Variants in FBXL14 observed in about 807,000 individuals in gnomAD.
FBXL14 encodes the protein F-box and leucine rich repeat protein 14, also known as F-box/LRR-repeat protein 14.
Under a neutral mutation model 24.5 loss-of-function variants are expected in FBXL14, and 11 were observed. The ratio of observed to expected loss-of-function variants is 0.45; its 90% confidence interval spans 0.28 to 0.74. The LOEUF (loss-of-function observed/expected upper bound fraction) is 0.74. Among genes scored for constraint, FBXL14 ranks in the 30% least tolerant of loss-of-function variants. FBXL14 has a pLI of 0.12. For missense variants in FBXL14, 384 were observed against 545.6 expected, an observed-to-expected ratio of 0.70 and a Z score of 2.95; for synonymous variants, 294 against 240.4, an observed-to-expected ratio of 1.22 and a Z score of -2.06.
intron 1 of FBXL14, among the ~76,000 whole-genome samples, chr12:1,584,145 GA>G (rs2154438140): frequency 6.6e-6 from 1 of 152,106 alleles, no homozygotes; most frequent in South Asian, 2.1e-4. Context: ...AGGAGTTGGA[GA>G]CCAGCCTAGG....
Position 1,586,959 on chromosome 12 carries a change from C to T in FBXL14, c.1194+5914G>A, listed in dbSNP as rs542454463. Among the ~76,000 whole-genome samples the T allele has an allele frequency of 9.9e-5, 15 of 152,250 alleles. No homozygotes were observed. In the East Asian group the frequency reaches 2.5e-3, roughly 25 times the overall value. On this transcript the variant is annotated intron_variant, in intron 1 of 1. Transcript: ENST00000339235. ...TTGTTCCTTAAACAACTAAAGTGGC[C>T]GGGCGCGGTGGCTCATGCCTGTAAT...
At chr12:1,591,603 T>C (rs1565591167) in intron 1 of FBXL14, among the ~76,000 whole-genome samples, 1 of 152,200 alleles carries the variant, frequency 6.6e-6, no homozygotes, top group Admixed American at 6.5e-5. Context: ...TCAGAAGTGA[T>C]TTCTTTAAAG....
rs539765501 is a variant in FBXL14 at position 1,570,879 on chromosome 12, A to C, written c.1195-4069T>G. Among the ~76,000 whole-genome samples, 5 of 152,020 alleles carry C rather than the reference A, an allele frequency of 3.3e-5. No homozygotes were observed. In the South Asian group the frequency reaches 1.0e-3, roughly 32 times the overall value. ...GTGGTGTGGTCATGATGGGAGGAGC[A>C]GTGATGGTGTAGACCAAGCTGCCTA... On this transcript the variant is annotated intron_variant, in intron 1 of 1. Coordinates refer to ENST00000339235, the MANE Select transcript of FBXL14 (RefSeq NM_152441.3).
chr12:1,567,879 ACGCACACGCG>A lies in FBXL14; in HGVS notation c.1195-1079_1195-1070del, dbSNP rs1321572003. On this transcript the variant is annotated intron_variant, in intron 1 of 1. Coordinates refer to ENST00000339235, the MANE Select transcript of FBXL14 (RefSeq NM_152441.3). The surrounding 1 kb of genome is among the most constrained non-coding windows in gnomAD (Gnocchi z 4.8). ...AAAAGGGAAAAGAAAACCCACCCAC[ACGCACACGCG>A]CGCACACACGTGCGCACACACACAG... Among the ~76,000 whole-genome samples, 2 of 152,354 alleles carry A rather than the reference ACGCACACGCG, an allele frequency of 1.3e-5. No homozygotes were observed. Among genetic ancestry groups the A allele is most frequent in the East Asian group, 3.9e-4 (2 of 5,180 alleles).
At chr12:1,572,619 G>A (rs544498772) in intron 1 of FBXL14, among the ~76,000 whole-genome samples, 2 of 79,402 alleles carry the variant, frequency 2.5e-5, no homozygotes, top group East Asian at 4.4e-4. Context: ...CGCACATACA[G>A]GTCGGGGAAG....
At position 1,567,396 on chromosome 12, in the gene FBXL14, G is replaced by A. The variant is rs938447693; in HGVS notation, c.1195-586C>T. 6.6e-6 allele frequency among the ~76,000 whole-genome samples: 1 copy of A among 152,130 alleles called. No homozygotes were observed. Among genetic ancestry groups the A allele is most frequent in the Non-Finnish European group, 1.5e-5 (1 of 68,028 alleles). On this transcript the variant is annotated intron_variant, in intron 1 of 1. Transcript: ENST00000339235. This position sits in a 1 kb window ranked among gnomAD's most constrained non-coding sequence, Gnocchi z 4.8. ...AATCCCAGCTGCTCAGGAGGCTGAGGCAAGAGAACCGCTTGAACCGGGAGG... is the reference window on the plus strand; with the variant it reads ...AATCCCAGCTGCTCAGGAGGCTGAGACAAGAGAACCGCTTGAACCGGGAGG...
At chr12:1,587,913 T>G (rs1471503898) in intron 1 of FBXL14, among the ~76,000 whole-genome samples, 3 of 152,220 alleles carry the variant, frequency 2.0e-5, no homozygotes, top group Non-Finnish European at 2.9e-5. Flanking sequence ...GGGTTCATAA[T>G]GGCACAAAAT....
At position 1,594,405 on chromosome 12, in the gene FBXL14, C is replaced by G. The variant is rs1225142987; in HGVS notation, c.-339G>C. On this transcript the variant is annotated 5_prime_UTR_variant, in exon 1 of 2. Transcript: ENST00000339235. ...CGCCTCGGCTCTACCCACGCCGCGC[C>G]CGGGCCGCGCCGCTCCGCCCGCGCC... 6.9e-6 allele frequency among the ~76,000 whole-genome samples: 1 copy of G among 145,700 alleles called. No individual in the cohort carries two copies. Among genetic ancestry groups the G allele is most frequent in the Non-Finnish European group, 1.5e-5 (1 of 65,574 alleles).
In FBXL14 at chr12:1,566,694, G is replaced by A. The variant is rs368170907; in HGVS notation, c.*54C>T. ...CACCAGAGTGCCGGAGGCGCAGAGC[G>A]GGCAAGTCTGGAAGTTAAAGATCCA... On this transcript the variant is annotated 3_prime_UTR_variant, in exon 2 of 2. Transcript: ENST00000339235. The A allele has an allele frequency of 1.4e-4, 108 of 779,426 alleles. No individual in the cohort carries two copies. The highest frequency in any genetic ancestry group is 1.4e-3 in the African/African-American group (82 of 59,234). 48.3% of individuals were successfully genotyped at this position (779,426 alleles called of 1,614,324 possible). A position where few individuals can be genotyped will look rare whatever the true frequency, so the allele number is the denominator to read the frequency against.
chr12:1,588,266 G>GT (rs1441067064), intron 1 of FBXL14, among the ~76,000 whole-genome samples: 1 of 152,112 alleles, frequency 6.6e-6, no homozygotes, highest in Non-Finnish European at 1.5e-5. Flanking sequence ...AAAGTGAAAG[G>GT]TTTTGTTTGT....
intron 1 of FBXL14, among the ~76,000 whole-genome samples, chr12:1,592,298 AAG>A (rs2094492294): frequency 6.6e-6 from 1 of 151,258 alleles, no homozygotes; most frequent in Admixed American, 6.6e-5. Context: ...TTAAACAGGA[AAG>A]AAGATTAAGA....
At chr12:1,582,126 G>A (rs1003454374) in intron 1 of FBXL14, among the ~76,000 whole-genome samples, 5 of 129,986 alleles carry the variant, frequency 3.8e-5, no homozygotes, top group African/African-American at 1.7e-4. Flanking sequence ...TCTGTCGAAA[G>A]AAAAGGAAGG....
In FBXL14 at chr12:1,593,249, T is replaced by A; in HGVS notation, c.818A>T (p.His273Leu). ...GAGGCGCAGGCTGCCCATGGCCAGA[T>A]GCATGATGCCCGTGTCACTGATGTT... Reference protein sequence around the residue: ...CDNISDTGIMHLAMGSLRLSG... With the variant: ...CDNISDTGIMLLAMGSLRLSG... Residue 273 changes from histidine (H) to leucine (L), a missense_variant, in exon 1 of 2, where the codon CAT becomes CTT. His to Leu is a moderately conservative substitution (Grantham distance 99, BLOSUM62 -3). Coordinates refer to ENST00000339235, the MANE Select transcript of FBXL14 (RefSeq NM_152441.3). This position sits in a 1 kb window ranked among gnomAD's most constrained non-coding sequence, Gnocchi z 7.4. 1 of 1,612,608 alleles carries A rather than the reference T, an allele frequency of 6.2e-7. No individual in the cohort carries two copies. The highest frequency in any genetic ancestry group is 1.1e-5 in the South Asian group (1 of 91,072).
intron 1 of FBXL14, among the ~76,000 whole-genome samples, chr12:1,575,768 A>G (rs7976513): frequency 0.87 from 132,200 of 151,692 alleles, 59,022 homozygotes; most frequent in Non-Finnish European, 0.96. Flanking sequence ...GAGTGTGTGC[A>G]ATCATGTTTG....
chr12:1,594,186 G>GCCGCC lies in FBXL14; in HGVS notation c.-121_-120insGGCGG. On this transcript the variant is annotated 5_prime_UTR_variant, in exon 1 of 2. Transcript: ENST00000339235. ...CCGCCGCCGCCGCCGCCGCCGCCTC[G>GCCGCC]GGCCCAACGGCCGGCCCCTCCCCGC... 8.4e-6 allele frequency: 3 copies of GCCGCC among 359,252 alleles called. No homozygotes were observed. The highest frequency in any genetic ancestry group is 8.4e-5 in the East Asian group (1 of 11,864). 22.3% of individuals were successfully genotyped at this position (359,252 alleles called of 1,614,324 possible).
At chr12:1,576,222 A>G (rs533755249) in intron 1 of FBXL14, among the ~76,000 whole-genome samples, 3 of 152,292 alleles carry the variant, frequency 2.0e-5, no homozygotes, top group Admixed American at 2.0e-4. Context: ...AGCTTGTGCT[A>G]TGCTGATAAC....
rs113052726 is a variant in FBXL14, at chr12:1,574,441, G to A, written c.1195-7631C>T. Reference sequence around the variant, plus strand: ...TGGTGTGGGTGGAGCCTGGGGTGAGGGGAGGCTGGTGGCAGCCGTGTGGGT... The same window carrying A: ...TGGTGTGGGTGGAGCCTGGGGTGAGAGGAGGCTGGTGGCAGCCGTGTGGGT... On this transcript the variant is annotated intron_variant, in intron 1 of 1. Coordinates refer to ENST00000339235, the MANE Select transcript of FBXL14 (RefSeq NM_152441.3). Among the ~76,000 whole-genome samples, 97 of 68,714 alleles carry A rather than the reference G, an allele frequency of 1.4e-3. 2 individuals are homozygous for A. Among genetic ancestry groups the A allele is most frequent in the East Asian group, 2.1e-3 (6 of 2,806 alleles). 45.1% of individuals were successfully genotyped at this position (68,714 alleles called of 152,430 possible). A position where few individuals can be genotyped will look rare whatever the true frequency, so the allele number is the denominator to read the frequency against.
intron 1 of FBXL14, among the ~76,000 whole-genome samples, chr12:1,570,710 T>C (rs2094443946): frequency 6.6e-6 from 1 of 152,140 alleles, no homozygotes; most frequent in Admixed American, 6.5e-5. Flanking sequence ...GGAACCCAAG[T>C]GTCTCGATCA....
Position 1,593,069 on chromosome 12 carries a change from C to T in FBXL14, c.998G>A (p.Arg333His), listed in dbSNP as rs140261682. Residue 333 changes from arginine to histidine, a missense_variant, in exon 1 of 2, where the codon CGC (arginine) becomes CAC (histidine). Transcript: ENST00000339235. The surrounding 1 kb of genome is among the most constrained non-coding windows in gnomAD (Gnocchi z 7.4). ...CACACACTGTCCAATGTTGAGCGTG[C>T]GCAGCCCGTGCATCTGCCGCACCAT... ...NRMVRQMHGL[R>H]TLNIGQCVRI... 10 of 1,612,600 alleles carry T rather than the reference C, an allele frequency of 6.2e-6. No individual in the cohort carries two copies. The African/African-American group carries it at 1.1e-4, about 17-fold the overall frequency.
Sources: gnomAD v4.1 joint callset for allele counts (sites outside exome capture counted in the v4.1 genomes callset) on GRCh38, gnomAD v4.1.1 for gene constraint, Gnocchi (gnomAD v3.1) non-coding constraint, MANE v1.5 for transcripts, NCBI Gene and HGNC (gene_info 2026-07-23, HGNC 2026-07-21) for gene names.